The following NWD1 variants were observed in gnomAD, a reference collection of about 807,000 sequenced individuals.
The protein encoded by NWD1 is NACHT and WD repeat domain containing 1, also known as NACHT domain- and WD repeat-containing protein 1.
NWD1 carries 129 observed loss-of-function variants against 135.1 expected under a neutral mutation model. The observed-to-expected ratio is 0.96, with a 90% CI of 0.83 to 1.11. NWD1 has a LOEUF of 1.11. Among genes scored for constraint, NWD1 ranks in the 50% least tolerant of loss-of-function variants. NWD1 has a pLI of 0.00. For synonymous variants in NWD1, 773 were observed against 786.0 expected (o/e 0.98, Z 0.28); for missense variants, 1,740 against 1,851.3 (o/e 0.94, Z 1.10).
At chr19:16,720,553 C>T (rs1967097793) in intron 1 of NWD1, among the ~76,000 whole-genome samples, 1 of 151,944 alleles carries the variant, frequency 6.6e-6, no homozygotes, top group African/African-American at 2.4e-5. Context: ...ATTGCAATGT[C>T]TAGGGAGACT....
chr19:16,722,346 T>C (rs1490610528), intron 1 of NWD1, among the ~76,000 whole-genome samples: 1 of 150,532 alleles, frequency 6.6e-6, no homozygotes, highest in Non-Finnish European at 1.5e-5. Flanking sequence ...TGGAGTGCAA[T>C]GGTGCGATCT....
intron 6 of NWD1, among the ~76,000 whole-genome samples, chr19:16,755,692 T>TTATTTATTTATG: frequency 1.9e-5 from 1 of 52,050 alleles, no homozygotes; most frequent in Admixed American, 1.5e-4. Context: ...CCAGCCTTAT[T>TTATTTATTTATG]TATTTATTTA....
chr19:16,778,378 A>G (rs1315364238), intron 11 of NWD1, among the ~76,000 whole-genome samples: 1 of 152,036 alleles, frequency 6.6e-6, no homozygotes, highest in African/African-American at 2.4e-5. Context: ...TTTCTTTAGG[A>G]CATCAGCCCT....
intron 2 of NWD1, among the ~76,000 whole-genome samples, chr19:16,728,281 C>CT (rs397859118): frequency 0.3 from 35,829 of 119,802 alleles, 6,482 homozygotes; most frequent in African/African-American, 0.46. Flanking sequence ...GGTCACTGCT[C>CT]TTTTTTTTTT....
At chr19:16,805,697 C>T (rs996415753) in intron 17 of NWD1, among the ~76,000 whole-genome samples, 4 of 152,078 alleles carry the variant, frequency 2.6e-5, no homozygotes, top group Non-Finnish European at 5.9e-5. Flanking sequence ...AGAATTGTAA[C>T]CTCACTTGAT....
At chr19:16,738,805 CT>C (rs1967956170) in intron 4 of NWD1, among the ~76,000 whole-genome samples, 3 of 123,586 alleles carry the variant, frequency 2.4e-5, no homozygotes, top group African/African-American at 9.6e-5. Context: ...ATATAACATA[CT>C]ATTATATGTA....
At position 16,762,110 on chromosome 19, in the gene NWD1, T is replaced by C. The variant is rs766686156; in HGVS notation, c.2105T>C (p.Val702Ala). The C allele has an allele frequency of 1.2e-6, 2 of 1,613,910 alleles. No homozygotes were observed. The highest frequency in any genetic ancestry group is 1.7e-6 in the Non-Finnish European group (2 of 1,179,976). ...AAGAAGCTCATCACTCTGCCACTTG[T>C]GGGGAAACCACTGAACTTGGACCGA... ...GTKKLITLPL[V>A]GKPLNLDRKV... is the part of the protein sequence containing the mutation. Residue 702 changes from valine (V) to alanine (A), a missense_variant, in exon 8 of 19, where the codon GTG becomes GCG. Transcript: ENST00000524140.
At chr19:16,786,159 C>T (rs973792988) in intron 12 of NWD1, among the ~76,000 whole-genome samples, 2 of 150,944 alleles carry the variant, frequency 1.3e-5, no homozygotes, top group African/African-American at 4.9e-5. Context: ...GCCACTGTGC[C>T]AGCCTATTTT....
intron 17 of NWD1, among the ~76,000 whole-genome samples, chr19:16,806,026 C>T (rs1444466640): frequency 6.6e-6 from 1 of 152,064 alleles, no homozygotes; most frequent in Non-Finnish European, 1.5e-5. Context: ...GTGCCTGCCA[C>T]CACGCCTGGT....
intron 10 of NWD1, among the ~76,000 whole-genome samples, chr19:16,771,749 G>C (rs1442993749): frequency 6.6e-6 from 1 of 151,878 alleles, no homozygotes; most frequent in Non-Finnish European, 1.5e-5. Flanking sequence ...GGACAACCAT[G>C]TGCTCTCCGT....
rs373324211 is a variant in NWD1 at position 16,765,153 on chromosome 19, C to T, written c.2371C>T (p.Leu791Phe). 3.1e-6 allele frequency: 5 copies of T among 1,614,020 alleles called. No individual in the cohort carries two copies. In the African/African-American group the frequency reaches 4.0e-5, roughly 13 times the overall value. The change falls in exon 10 of 19, where the codon CTC (leucine) becomes TTC (phenylalanine). Residue 791 changes from leucine (L) to phenylalanine (F), a missense_variant. Leu to Phe is a conservative substitution (Grantham distance 22, BLOSUM62 0). Coordinates refer to ENST00000524140, the MANE Select transcript of NWD1 (RefSeq NM_001007525.5). ...SPEVGLVREALQLCRPAVELR... is the reference protein window; with the variant it reads ...SPEVGLVREAFQLCRPAVELR... ...TGAGGTTGGCCTGGTCCGTGAAGCC[C>T]TCCAGCTCTGCCGCCCTGCTGTGGA...
chr19:16,810,356 G>A (rs770682172), intron 18 of NWD1, among the ~76,000 whole-genome samples: 6 of 149,002 alleles, frequency 4.0e-5, no homozygotes, highest in Non-Finnish European at 7.4e-5. Flanking sequence ...GAGAATCACT[G>A]GAACCTGGAA....
chr19:16,798,871 CT>C (rs1400521429), intron 16 of NWD1, among the ~76,000 whole-genome samples: 1 of 152,004 alleles, frequency 6.6e-6, no homozygotes, highest in Admixed American at 6.6e-5. Context: ...AGGTGATCAG[CT>C]GCCTTGGCCT....
At position 16,744,922 on chromosome 19, in the gene NWD1, G is replaced by T. The variant is rs1599452082; in HGVS notation, c.496+204G>T. 4.0e-5 allele frequency: 26 copies of T among 654,916 alleles called. No homozygotes were observed. In the East Asian group the frequency reaches 7.1e-4, roughly 18 times the overall value. 40.6% of individuals were successfully genotyped at this position (654,916 alleles called of 1,614,324 possible). A position where few individuals can be genotyped will look rare whatever the true frequency, so the allele number is the denominator to read the frequency against. On this transcript the variant is annotated intron_variant, in intron 5 of 18. Coordinates refer to ENST00000524140, the MANE Select transcript of NWD1 (RefSeq NM_001007525.5). The stretch of plus-strand genomic sequence containing the variant: ...TGTTCCTGATCAATCTTGGTCTCAG[G>T]ATCTTCCTCTCCTCGCTGGCTCTTT...
chr19:16,732,059 A>C (rs1469750709), intron 3 of NWD1, among the ~76,000 whole-genome samples: 1 of 151,928 alleles, frequency 6.6e-6, no homozygotes. Flanking sequence ...TCTACTAAAA[A>C]TATAAAAATT....
chr19:16,788,895 G>T, intron 12 of NWD1, 87 bp from the exon 13 acceptor site: 2 of 858,666 alleles, frequency 2.3e-6, no homozygotes. Context: ...GTAAATGAGG[G>T]TATTTCCAAG....
chr19:16,763,692 T>G, intron 8 of NWD1, 136 bp from the exon 9 acceptor site: 4 of 644,654 alleles, frequency 6.2e-6, no homozygotes, highest in Non-Finnish European at 1.1e-5. Context: ...AATGGGCACA[T>G]GGGGGTATGT....
At chr19:16,794,845 A>C (rs1365801342) in intron 15 of NWD1, among the ~76,000 whole-genome samples, 2 of 152,018 alleles carry the variant, frequency 1.3e-5, no homozygotes, top group African/African-American at 4.8e-5. Context: ...GGAGTGGCTC[A>C]ATCATAATTC....
chr19:16,756,460 T>A (rs1207155734), intron 6 of NWD1, among the ~76,000 whole-genome samples: 1 of 152,120 alleles, frequency 6.6e-6, no homozygotes, highest in Non-Finnish European at 1.5e-5. Context: ...CTCATGCAGT[T>A]CAAACCTGTG....
Sources: gnomAD v4.1 joint callset for allele counts (sites outside exome capture counted in the v4.1 genomes callset) on GRCh38, gnomAD v4.1.1 for gene constraint, MANE v1.5 for transcripts, NCBI Gene and HGNC (gene_info 2026-07-23, HGNC 2026-07-21) for gene names.